The following BICC1 variants were observed in gnomAD, a reference collection of about 807,000 sequenced individuals.
BICC1 encodes BicC family RNA binding protein 1, also known as protein bicaudal C homolog 1.
BICC1 carries 43 observed loss-of-function variants against 111.0 expected under a neutral mutation model. The observed-to-expected ratio is 0.39, with a 90% CI of 0.30 to 0.50. The LOEUF is 0.50. Ranked by LOEUF, BICC1 falls within the 20% of genes least tolerant of loss-of-function variation. The pLI is 0.88. For synonymous variants in BICC1, 467 were observed against 434.4 expected, an observed-to-expected ratio of 1.07 and a Z score of -0.93; for missense variants, 1,091 against 1,203.2, an observed-to-expected ratio of 0.91 and a Z score of 1.38.
intron 2 of BICC1, among the ~76,000 whole-genome samples, chr10:58,661,323 A>T (rs879401730): frequency 1.3e-5 from 2 of 150,092 alleles, no homozygotes; most frequent in Non-Finnish European, 2.9e-5. Context: ...TTCTCTCTGG[A>T]GTTTAGAAAT....
chr10:58,533,560 A>G (rs1649078), intron 1 of BICC1, among the ~76,000 whole-genome samples: 1 of 151,190 alleles, frequency 6.6e-6, no homozygotes, highest in South Asian at 2.1e-4. Context: ...GGAAAAAAAA[A>G]CCTGACAATC....
intron 2 of BICC1, among the ~76,000 whole-genome samples, chr10:58,663,726 T>TCCCTG (rs1258382847): frequency 3.3e-5 from 5 of 152,168 alleles, no homozygotes; most frequent in Non-Finnish European, 5.9e-5. Context: ...CGAAACCATC[T>TCCCTG]CCCTGCCCCT....
rs544672487 is a variant in BICC1 at position 58,763,922 on chromosome 10, G to A, written c.308-21079G>A. Reference sequence around the variant, plus strand: ...AGGCCTGGAAGAGAATAAAGCCAAAGGGATCACTTCTAAGAGCAGAGGCAG... The same window carrying A: ...AGGCCTGGAAGAGAATAAAGCCAAAAGGATCACTTCTAAGAGCAGAGGCAG... On this transcript the variant is annotated intron_variant, in intron 3 of 20. Coordinates refer to ENST00000373886, the MANE Select transcript of BICC1 (RefSeq NM_001080512.3). Among the ~76,000 whole-genome samples, 4 of 151,992 alleles carry A rather than the reference G, an allele frequency of 2.6e-5. No individual in the cohort carries two copies. In the East Asian group the frequency reaches 5.8e-4, roughly 22 times the overall value.
At chr10:58,703,743 G>A (rs1017718448) in intron 3 of BICC1, among the ~76,000 whole-genome samples, 2 of 152,114 alleles carry the variant, frequency 1.3e-5, no homozygotes, top group Non-Finnish European at 2.9e-5. Context: ...GAATAAATTG[G>A]AACTTGAACA....
chr10:58,523,173 A>T (rs1053235544), intron 1 of BICC1, among the ~76,000 whole-genome samples: 11 of 152,214 alleles, frequency 7.2e-5, no homozygotes, highest in Admixed American at 6.5e-4. Context: ...CAATCAATAG[A>T]AAAAGAGGGA....
At chr10:58,655,120 G>A (rs1344651037) in intron 2 of BICC1, among the ~76,000 whole-genome samples, 1 of 142,216 alleles carries the variant, frequency 7.0e-6, no homozygotes, top group African/African-American at 2.6e-5. Context: ...GTAGTGTGAT[G>A]CCTCCAGCTT....
chr10:58,828,641 C>A, intron 20 of BICC1, 120 bp from the exon 21 acceptor site: 2 of 1,019,620 alleles, frequency 2.0e-6, no homozygotes, highest in Non-Finnish European at 2.8e-6. Flanking sequence ...CTTTTGATAC[C>A]AGACTTGACT....
rs566322884 is a variant in BICC1, at chr10:58,704,920, C to G, written c.307+2777C>G. On this transcript the variant is annotated intron_variant, in intron 3 of 20. Transcript: ENST00000373886. ...TACCACAGTTTGCCCCCTTCTTTAC[C>G]TTACTGGAATTTAGTCCTGTGTTTC... 2.0e-5 allele frequency among the ~76,000 whole-genome samples: 3 copies of G among 152,286 alleles called. No homozygotes were observed. The East Asian group carries it at 5.8e-4, about 29-fold the overall frequency.
At chr10:58,693,795 C>T (rs1036117434) in intron 2 of BICC1, among the ~76,000 whole-genome samples, 1 of 152,036 alleles carries the variant, frequency 6.6e-6, no homozygotes, top group African/African-American at 2.4e-5. Context: ...CAAAAATTTT[C>T]TCCCATTCTG....
chr10:58,707,950 GC>G (rs1331425890), intron 3 of BICC1, among the ~76,000 whole-genome samples: 1 of 151,920 alleles, frequency 6.6e-6, no homozygotes, highest in East Asian at 1.9e-4. Flanking sequence ...AGCCACTTCG[GC>G]CTCCCAAAGT....
chr10:58,638,056 CAGACAT>C (rs1838004094), intron 2 of BICC1, among the ~76,000 whole-genome samples: 1 of 151,910 alleles, frequency 6.6e-6, no homozygotes, highest in Non-Finnish European at 1.5e-5. Context: ...TACTAAATGA[CAGACAT>C]AGTAACATCT....
chr10:58,607,834 G>C lies in BICC1; in HGVS notation c.191-13021G>C, dbSNP rs1261967190. Among the ~76,000 whole-genome samples the C allele has an allele frequency of 2.0e-5, 3 of 152,284 alleles. No homozygotes were observed. In the South Asian group the frequency reaches 6.2e-4, roughly 32 times the overall value. On this transcript the variant is annotated intron_variant, in intron 1 of 20. Coordinates refer to ENST00000373886, the MANE Select transcript of BICC1 (RefSeq NM_001080512.3). ...TGGCTGTCTTATGATAGTACAGTCC[G>C]TAACAGGTAGAGCATTGCATCAGCT...
At chr10:58,526,055 T>C (rs537920894) in intron 1 of BICC1, among the ~76,000 whole-genome samples, 53 of 152,092 alleles carry the variant, frequency 3.5e-4, no homozygotes, top group African/African-American at 1.3e-3. Flanking sequence ...TGAAGAATGA[T>C]GGTAGTTGCA....
chr10:58,555,295 G>A (rs1433595905), intron 1 of BICC1, among the ~76,000 whole-genome samples: 1 of 143,554 alleles, frequency 7.0e-6, no homozygotes, highest in Non-Finnish European at 1.5e-5. Context: ...AGAGAATAGA[G>A]GCTGTTGGAC....
chr10:58,532,494 CA>C (rs1290001493), intron 1 of BICC1, among the ~76,000 whole-genome samples: 2 of 151,670 alleles, frequency 1.3e-5, no homozygotes, highest in African/African-American at 4.8e-5. Flanking sequence ...TGATACTTTA[CA>C]AAAAATTTAT....
chr10:58,753,618 C>T (rs1697473344), intron 3 of BICC1, among the ~76,000 whole-genome samples: 1 of 152,132 alleles, frequency 6.6e-6, no homozygotes, highest in Non-Finnish European at 1.5e-5. Flanking sequence ...TATGATGCCA[C>T]TTCTCTGCAT....
chr10:58,790,269 T>C (rs964363342), intron 8 of BICC1, among the ~76,000 whole-genome samples: 4 of 131,892 alleles, frequency 3.0e-5, no homozygotes, highest in African/African-American at 1.1e-4. Flanking sequence ...AGTGTGCAGT[T>C]TGTATTTGGC....
chr10:58,636,320 C>G (rs998913549), intron 2 of BICC1, among the ~76,000 whole-genome samples: 11 of 152,176 alleles, frequency 7.2e-5, no homozygotes, highest in Non-Finnish European at 1.5e-4. Flanking sequence ...TTTAAAAAAT[C>G]TGTGCTCTTT....
chr10:58,651,357 G>GA (rs1314484319), intron 2 of BICC1, among the ~76,000 whole-genome samples: 1 of 152,180 alleles, frequency 6.6e-6, no homozygotes. Context: ...TGGACTCTAT[G>GA]AAAAACCGCC....
Sources: allele counts gnomAD v4.1 joint callset (sites outside exome capture counted in the v4.1 genomes callset), GRCh38; gene constraint gnomAD v4.1.1; transcripts MANE v1.5; gene names NCBI Gene and HGNC (gene_info 2026-07-23, HGNC 2026-07-21).